The following ZMAT4 variants were observed in gnomAD, a reference collection of about 807,000 sequenced individuals.
ZMAT4 encodes zinc finger matrin-type 4.
In ZMAT4, 17 loss-of-function variants were observed where a neutral mutation model predicts 28.7. That is an observed-to-expected ratio of 0.59 (90% CI 0.41 to 0.89). The LOEUF (loss-of-function observed/expected upper bound fraction) is 0.89, where lower values mean the gene tolerates loss of function less well. Among genes scored for constraint, ZMAT4 ranks in the 40% least tolerant of loss-of-function variants. The pLI is 0.00. For synonymous variants in ZMAT4, 117 were observed against 109.2 expected (o/e 1.07, Z -0.44); for missense variants, 240 against 283.8 (o/e 0.85, Z 1.11).
At chr8:40,724,805 C>T (rs77299229) in intron 3 of ZMAT4, among the ~76,000 whole-genome samples, 1 of 152,116 alleles carries the variant, frequency 6.6e-6, no homozygotes. Context: ...AAGGAGATGG[C>T]ATCATCTGGA....
intron 1 of ZMAT4, among the ~76,000 whole-genome samples, chr8:40,844,960 C>A (rs1368856553): frequency 6.6e-6 from 1 of 152,106 alleles, no homozygotes; most frequent in East Asian, 1.9e-4. Context: ...AAGATTCTTC[C>A]AGCAAGGATG....
chr8:40,566,401 GT>G (rs1398755245), intron 6 of ZMAT4, among the ~76,000 whole-genome samples: 1 of 152,142 alleles, frequency 6.6e-6, no homozygotes, highest in Admixed American at 6.6e-5. Context: ...GGACATGTGG[GT>G]GTGAGAGAAC....
rs7829171 is a variant in ZMAT4, at chr8:40,877,748, C to T, written c.-5+19935G>A. Reference sequence around the variant, plus strand: ...GACGGAGTAGGGAGACAGAGAAAGACGGAGAGAGTTTTCTCCCAAGACTTT... The same window carrying T: ...GACGGAGTAGGGAGACAGAGAAAGATGGAGAGAGTTTTCTCCCAAGACTTT... On this transcript the variant is annotated intron_variant, in intron 1 of 6. Coordinates refer to ENST00000297737, the MANE Select transcript of ZMAT4 (RefSeq NM_024645.3). Among the ~76,000 whole-genome samples, 1,120 of 152,088 alleles carry T rather than the reference C, an allele frequency of 7.4e-3. 16 individuals carry two copies. The highest frequency in any genetic ancestry group is 0.025 in the African/African-American group (1,045 of 41,490).
chr8:40,752,269 T>C (rs1812482083), intron 3 of ZMAT4, among the ~76,000 whole-genome samples: 1 of 152,210 alleles, frequency 6.6e-6, no homozygotes, highest in Non-Finnish European at 1.5e-5. Context: ...AGGGTGCCTC[T>C]AGCCTGTGTC....
At chr8:40,778,806 T>C (rs1261417255) in intron 2 of ZMAT4, among the ~76,000 whole-genome samples, 1 of 152,178 alleles carries the variant, frequency 6.6e-6, no homozygotes, top group Non-Finnish European at 1.5e-5. Context: ...GCAGGTTGCT[T>C]TCAATTGATG....
At chr8:40,583,378 C>T (rs537302772) in intron 5 of ZMAT4, among the ~76,000 whole-genome samples, 67 of 152,240 alleles carry the variant, frequency 4.4e-4, no homozygotes, top group Non-Finnish European at 8.1e-4. Flanking sequence ...ATGAAAGAAG[C>T]TGATTTGATG....
chr8:40,751,253 A>G (rs867895223), intron 3 of ZMAT4, among the ~76,000 whole-genome samples: 26 of 152,134 alleles, frequency 1.7e-4, no homozygotes, highest in South Asian at 1.2e-3. Context: ...AAGAAAACAG[A>G]TTTAACTGGC....
At position 40,585,687 on chromosome 8, in the gene ZMAT4, G is replaced by C. The variant is rs77526747; in HGVS notation, c.578-4426C>G. ...GATTATTACGGTCCCCAAACCCAGA[G>C]GCTATAACTTATCACTACCAGTGTG... On this transcript the variant is annotated intron_variant, in intron 5 of 6. Transcript: ENST00000297737. Among the ~76,000 whole-genome samples the C allele has an allele frequency of 7.6e-3, 1,153 of 152,240 alleles. 13 individuals are homozygous for C. Among genetic ancestry groups the C allele is most frequent in the African/African-American group, 0.026 (1,087 of 41,546 alleles).
chr8:40,755,628 T>C (rs867892258), intron 3 of ZMAT4, among the ~76,000 whole-genome samples: 16 of 152,092 alleles, frequency 1.1e-4, no homozygotes, highest in South Asian at 4.1e-4. Context: ...AATTTTTGTA[T>C]TTTTTGTAGA....
At chr8:40,771,341 GA>G (rs150702263) in intron 2 of ZMAT4, among the ~76,000 whole-genome samples, 1 of 150,632 alleles carries the variant, frequency 6.6e-6, no homozygotes, top group East Asian at 1.9e-4. Flanking sequence ...AAAAGAAAAA[GA>G]AAAAAAACCC....
At chr8:40,592,254 C>A (rs548346414) in intron 5 of ZMAT4, among the ~76,000 whole-genome samples, 4 of 152,092 alleles carry the variant, frequency 2.6e-5, no homozygotes, top group African/African-American at 9.7e-5. Flanking sequence ...GGAATGGGGG[C>A]GCATCCAATC....
intron 2 of ZMAT4, among the ~76,000 whole-genome samples, chr8:40,788,769 A>G (rs1324060178): frequency 7.3e-6 from 1 of 137,398 alleles, no homozygotes; most frequent in African/African-American, 2.8e-5. Context: ...CATTACAAGG[A>G]AAAAAAAAAA....
intron 2 of ZMAT4, among the ~76,000 whole-genome samples, chr8:40,811,932 A>T (rs1226218177): frequency 6.6e-6 from 1 of 152,086 alleles, no homozygotes; most frequent in Non-Finnish European, 1.5e-5. Context: ...GGAGTTCGAG[A>T]CCAGCCTGGT....
At chr8:40,745,253 C>T (rs769218631) in intron 3 of ZMAT4, among the ~76,000 whole-genome samples, 1 of 152,062 alleles carries the variant, frequency 6.6e-6, no homozygotes, top group African/African-American at 2.4e-5. Flanking sequence ...AAAGAGGAAG[C>T]AGGTTTGGAG....
chr8:40,659,032 G>A (rs1808064415), intron 5 of ZMAT4, among the ~76,000 whole-genome samples: 1 of 152,094 alleles, frequency 6.6e-6, no homozygotes, highest in African/African-American at 2.4e-5. Flanking sequence ...CCCAAGACGT[G>A]GTTGCAGCAA....
chr8:40,627,047 C>T lies in ZMAT4; in HGVS notation c.578-45786G>A, dbSNP rs1806405819. ...AATTCTGTTTGTAAAATTGCATGGC[C>T]ATCATCTACCTTTGCTCATTCCCTC... On this transcript the variant is annotated intron_variant, in intron 5 of 6. Transcript: ENST00000297737. Among the ~76,000 whole-genome samples the T allele has an allele frequency of 2.6e-5, 4 of 152,176 alleles. No individual in the cohort carries two copies. In the South Asian group the frequency reaches 8.3e-4, roughly 32 times the overall value.
At chr8:40,811,759 C>A (rs1025496387) in intron 2 of ZMAT4, among the ~76,000 whole-genome samples, 2 of 152,140 alleles carry the variant, frequency 1.3e-5, no homozygotes, top group Non-Finnish European at 2.9e-5. Flanking sequence ...ACATGGATGG[C>A]TTTTGGAAAC....
intron 1 of ZMAT4, among the ~76,000 whole-genome samples, chr8:40,895,926 GC>G (rs1449568316): frequency 1.3e-5 from 2 of 152,180 alleles, no homozygotes; most frequent in African/African-American, 4.8e-5. Flanking sequence ...GACTAACCAT[GC>G]CCACCGGCTG....
At chr8:40,720,144 T>G (rs1269196788) in intron 3 of ZMAT4, among the ~76,000 whole-genome samples, 1 of 152,206 alleles carries the variant, frequency 6.6e-6, no homozygotes, top group East Asian at 1.9e-4. Context: ...GGCATGTTAT[T>G]TAGTCTCAGA....
Sources: allele counts gnomAD v4.1 joint callset (sites outside exome capture counted in the v4.1 genomes callset), GRCh38; gene constraint gnomAD v4.1.1; transcripts MANE v1.5; gene names NCBI Gene and HGNC (gene_info 2026-07-23, HGNC 2026-07-21).